Variants in PRICKLE2 observed in about 807,000 individuals in gnomAD.
PRICKLE2 encodes prickle planar cell polarity protein 2, also known as prickle-like protein 2.
A neutral mutation model predicts 81.4 loss-of-function variants in PRICKLE2; 21 were observed. The observed-to-expected ratio is 0.26, with a 90% CI of 0.18 to 0.37. The LOEUF (loss-of-function observed/expected upper bound fraction) is 0.37, where lower values mean the gene tolerates loss of function less well. Among genes scored for constraint, PRICKLE2 ranks in the 10% least tolerant of loss-of-function variants. The pLI, the probability that PRICKLE2 is intolerant of heterozygous loss-of-function variation, is 1.00. For missense variants in PRICKLE2, 940 were observed against 1,109.0 expected, an observed-to-expected ratio of 0.85 and a Z score of 2.16; for synonymous variants, 456 against 421.5, an observed-to-expected ratio of 1.08 and a Z score of -1.00.
chr3:64,248,952 A>G (rs2079400657), intron 2 of PRICKLE2, among the ~76,000 whole-genome samples: 4 of 152,160 alleles, frequency 2.6e-5, no homozygotes, highest in Non-Finnish European at 1.5e-5. Context: ...TGATTTAAAT[A>G]CCTTTGATTT....
At chr3:64,110,228 C>A (rs1006169772) in intron 7 of PRICKLE2, among the ~76,000 whole-genome samples, 2 of 152,184 alleles carry the variant, frequency 1.3e-5, no homozygotes, top group African/African-American at 4.8e-5. Flanking sequence ...ATGCTGCTTT[C>A]TAGAACCCAT....
chr3:64,230,123 T>A (rs1217460860), upstream of PRICKLE2, among the ~76,000 whole-genome samples: 1 of 152,156 alleles, frequency 6.6e-6, no homozygotes, highest in Non-Finnish European at 1.5e-5. Flanking sequence ...TGGAGATGAA[T>A]GATATCACTT....
intron 2 of PRICKLE2, among the ~76,000 whole-genome samples, chr3:64,170,734 C>T (rs1200391459): frequency 6.8e-6 from 1 of 147,888 alleles, no homozygotes; most frequent in Non-Finnish European, 1.5e-5. Flanking sequence ...AACAGCCTGG[C>T]TGTGGTGGTG....
At chr3:64,258,613 G>C (rs2079561926) in intron 2 of PRICKLE2, among the ~76,000 whole-genome samples, 1 of 151,718 alleles carries the variant, frequency 6.6e-6, no homozygotes, top group Non-Finnish European at 1.5e-5. Context: ...GAGGTCAGGA[G>C]ATCGAGACCA....
At chr3:64,113,443 C>A (rs1357729794) in intron 7 of PRICKLE2, among the ~76,000 whole-genome samples, 1 of 152,136 alleles carries the variant, frequency 6.6e-6, no homozygotes, top group African/African-American at 2.4e-5. Flanking sequence ...TGGGGGCCCA[C>A]AGCATAGCTT....
intron 7 of PRICKLE2, among the ~76,000 whole-genome samples, chr3:64,113,100 A>C (rs1045111508): frequency 6.6e-6 from 1 of 152,146 alleles, no homozygotes; most frequent in Non-Finnish European, 1.5e-5. Context: ...TGGGAACCCT[A>C]GAAGGAGGGG....
At chr3:64,249,328 G>A (rs2079408341) in intron 2 of PRICKLE2, among the ~76,000 whole-genome samples, 1 of 152,152 alleles carries the variant, frequency 6.6e-6, no homozygotes, top group African/African-American at 2.4e-5. Context: ...GAGCAAGGGG[G>A]AAATCTGCCT....
At chr3:64,194,181 T>G (rs1376417327) in intron 2 of PRICKLE2, 1 of 152,218 alleles carries the variant, frequency 6.6e-6, no homozygotes, top group African/African-American at 2.4e-5. Flanking sequence ...AATTCTCATT[T>G]TGATTTAGTG....
chr3:64,239,119 GA>G (rs2079224444), intron 2 of PRICKLE2, among the ~76,000 whole-genome samples: 1 of 152,196 alleles, frequency 6.6e-6, no homozygotes, highest in African/African-American at 2.4e-5. Context: ...ACCCTCCTCT[GA>G]GGGGGCCAGG....
chr3:64,222,531 C>A (rs943597746), intron 1 of PRICKLE2, among the ~76,000 whole-genome samples: 1 of 152,176 alleles, frequency 6.6e-6, no homozygotes, highest in Non-Finnish European at 1.5e-5. Flanking sequence ...AGGAGGCAGA[C>A]CACGAGCCTG....
At chr3:64,119,608 G>A (rs1245461042) in intron 7 of PRICKLE2, among the ~76,000 whole-genome samples, 2 of 152,198 alleles carry the variant, frequency 1.3e-5, no homozygotes, top group African/African-American at 4.8e-5. Flanking sequence ...TACGATTGGT[G>A]CAAATGTAAG....
At chr3:64,127,418 C>A (rs2077125355) in intron 7 of PRICKLE2, among the ~76,000 whole-genome samples, 1 of 152,116 alleles carries the variant, frequency 6.6e-6, no homozygotes. Context: ...TGAGAGGTAC[C>A]ATTGTGAGTA....
At chr3:64,150,818 T>A (rs1358785588) in intron 6 of PRICKLE2, among the ~76,000 whole-genome samples, 1 of 152,044 alleles carries the variant, frequency 6.6e-6, no homozygotes, top group East Asian at 1.9e-4. Context: ...AGGGCTCAGT[T>A]TGGGAGAGTG....
intron 1 of PRICKLE2, among the ~76,000 whole-genome samples, chr3:64,210,612 T>A (rs1242138184): frequency 1.3e-5 from 2 of 152,150 alleles, no homozygotes; most frequent in African/African-American, 2.4e-5. Context: ...ACAGGGTAAT[T>A]TTCAGGGGCA....
At chr3:64,217,104 C>T (rs535197854) in intron 1 of PRICKLE2, among the ~76,000 whole-genome samples, 1 of 152,264 alleles carries the variant, frequency 6.6e-6, no homozygotes, top group South Asian at 2.1e-4. Flanking sequence ...CCCTGACTAC[C>T]TAACCAATGG....
intron 2 of PRICKLE2, among the ~76,000 whole-genome samples, chr3:64,263,952 A>C (rs896284779): frequency 6.6e-6 from 1 of 152,166 alleles, no homozygotes; most frequent in Non-Finnish European, 1.5e-5. Flanking sequence ...TGCTGTCTAC[A>C]GAATGCCAGC....
chr3:64,237,143 C>G (rs1209843583), intron 2 of PRICKLE2, among the ~76,000 whole-genome samples: 1 of 152,138 alleles, frequency 6.6e-6, no homozygotes, highest in African/African-American at 2.4e-5. Context: ...GCAGCAGTGT[C>G]TAGGGATTGT....
At chr3:64,209,698 C>A (rs1321219514) in intron 1 of PRICKLE2, among the ~76,000 whole-genome samples, 1 of 152,256 alleles carries the variant, frequency 6.6e-6, no homozygotes, top group East Asian at 1.9e-4. Flanking sequence ...AGATGCTGGG[C>A]ACACGACAGT....
In PRICKLE2 at chr3:64,258,845, A is replaced by AAAGAAAGAAAGAAAAGAAAG. The variant is rs1553663504; in HGVS notation, c.129-59879_129-59878insCTTTCTTTTCTTTCTTTCTT. On this transcript the variant is annotated intron_variant, in intron 2 of 8. Coordinates refer to the PRICKLE2 transcript ENST00000295902. ...TCTCAAAAAAAAAAAAAAAAAAAAA[A>AAAGAAAGAAAGAAAAGAAAG]AAAGAAAGAAAGAAAGAAAGAAAGA... Among the ~76,000 whole-genome samples, 72 of 34,010 alleles carry AAAGAAAGAAAGAAAAGAAAG rather than the reference A, an allele frequency of 2.1e-3. 1 individual carries two copies. Among genetic ancestry groups the AAAGAAAGAAAGAAAAGAAAG allele is most frequent in the African/African-American group, 8.8e-3 (68 of 7,748 alleles). 22.3% of individuals were successfully genotyped at this position (34,010 alleles called of 152,430 possible). A position where few individuals can be genotyped will look rare whatever the true frequency, so the allele number is the denominator to read the frequency against.
Sources: gnomAD v4.1 joint callset for allele counts (sites outside exome capture counted in the v4.1 genomes callset) on GRCh38, gnomAD v4.1.1 for gene constraint, MANE v1.5 for transcripts, NCBI Gene and HGNC (gene_info 2026-07-23, HGNC 2026-07-21) for gene names.